The following KLHDC4 variants were observed in gnomAD, a reference collection of about 807,000 sequenced individuals.
KLHDC4 encodes the protein kelch domain-containing protein 4.
KLHDC4 carries 90 observed loss-of-function variants against 62.4 expected under a neutral mutation model. The observed-to-expected ratio is 1.44, with a 90% CI of 1.22 to 1.72. The LOEUF (loss-of-function observed/expected upper bound fraction) is 1.72, where lower values mean the gene tolerates loss of function less well. Among genes scored for constraint, KLHDC4 ranks in the 40% most tolerant of loss-of-function variants. The pLI is 0.00. For synonymous variants in KLHDC4, 386 were observed against 284.4 expected, an observed-to-expected ratio of 1.36 and a Z score of -3.59; for missense variants, 1,025 against 699.7, an observed-to-expected ratio of 1.47 and a Z score of -5.25.
chr16:87,756,310 C>T lies in KLHDC4; in HGVS notation c.270+89G>A, dbSNP rs1422874074. The T allele has an allele frequency of 2.2e-5, 21 of 963,788 alleles. No individual in the cohort carries two copies. The East Asian group carries it at 4.6e-4, about 21-fold the overall frequency. The allele number at this position is 963,788 out of a possible 1,614,324, so 59.7% of individuals were successfully genotyped here. On this transcript the variant is annotated intron_variant, in intron 3 of 11. Coordinates refer to ENST00000270583, the MANE Select transcript of KLHDC4 (RefSeq NM_017566.4). ...GTGATACAAGGGGTGAAGGGGCTAA[C>T]GCATATTTGATGTCACTGCCTTAAG...
At chr16:87,735,790 T>C (rs1278890916) in intron 5 of KLHDC4, among the ~76,000 whole-genome samples, 2 of 152,110 alleles carry the variant, frequency 1.3e-5, no homozygotes, top group South Asian at 4.1e-4. Context: ...TACAGGGGAA[T>C]GTCGTGGTGG....
intron 6 of KLHDC4, among the ~76,000 whole-genome samples, chr16:87,727,693 C>G (rs746721): frequency 0.17 from 26,489 of 152,112 alleles, 2,331 homozygotes; most frequent in South Asian, 0.22. Context: ...AACTTTGACA[C>G]AATTATCGTG....
At position 87,708,056 on chromosome 16, in the gene KLHDC4, C is replaced by A. The variant is rs2290019; in HGVS notation, c.*21G>T. On this transcript the variant is annotated 3_prime_UTR_variant, in exon 12 of 12. Coordinates refer to ENST00000270583, the MANE Select transcript of KLHDC4 (RefSeq NM_017566.4). ...GGACGTGGGCACAGCACTTGCCAGGCGCCCCTGGCAGGGGCTCTTCTGATA... is the reference window on the plus strand; with the variant it reads ...GGACGTGGGCACAGCACTTGCCAGGAGCCCCTGGCAGGGGCTCTTCTGATA... The A allele has an allele frequency of 0.2, 105,944 of 541,806 alleles. 11,844 individuals are homozygous for A. The highest frequency in any genetic ancestry group is 0.27 in the South Asian group (17,294 of 65,220). The allele number at this position is 541,806 out of a possible 1,614,324, so 33.6% of individuals were successfully genotyped here. A position where few individuals can be genotyped will look rare whatever the true frequency, so the allele number is the denominator to read the frequency against.
At chr16:87,736,297 C>T (rs2041295956) in intron 5 of KLHDC4, among the ~76,000 whole-genome samples, 1 of 152,228 alleles carries the variant, frequency 6.6e-6, no homozygotes, top group Admixed American at 6.5e-5. Flanking sequence ...GAAGTAAAAA[C>T]ACAGTCTGAT....
At chr16:87,698,242 G>A (rs943826977) in exon 1 of KLHDC4, 4 of 152,320 alleles carry the variant, frequency 2.6e-5, no homozygotes, top group African/African-American at 9.7e-5. Flanking sequence ...AGGGAGGGAG[G>A]ACTGAAGGTC....
rs550857613 is a variant in KLHDC4 at position 87,754,747 on chromosome 16, G to A, written c.369+447C>T. ...GCGACAGCTGACACTGCTCTCCTGG[G>A]TAGGAAACCAGCTAACCACGTGCTA... On this transcript the variant is annotated intron_variant, in intron 4 of 11. Coordinates refer to ENST00000270583, the MANE Select transcript of KLHDC4 (RefSeq NM_017566.4). 7.2e-5 allele frequency among the ~76,000 whole-genome samples: 11 copies of A among 152,262 alleles called. No individual in the cohort carries two copies. The South Asian group carries it at 2.1e-3, about 29-fold the overall frequency.
intron 1 of KLHDC4, among the ~76,000 whole-genome samples, chr16:87,762,821 C>A (rs2046083896): frequency 6.6e-6 from 1 of 152,170 alleles, no homozygotes; most frequent in Admixed American, 6.6e-5. Context: ...CACACCCGAG[C>A]CTGGCATTTC....
intron 8 of KLHDC4, among the ~76,000 whole-genome samples, chr16:87,714,095 C>T (rs896977898): frequency 3.9e-5 from 6 of 152,106 alleles, no homozygotes; most frequent in South Asian, 4.2e-4. Context: ...GAGCGAGGCC[C>T]GTCACCACAG....
rs746403180 is a variant in KLHDC4 at position 87,714,558 on chromosome 16, C to T, written c.775G>A (p.Val259Met). 8 of 1,614,032 alleles carry T rather than the reference C, an allele frequency of 5.0e-6. No homozygotes were observed. Among genetic ancestry groups the T allele is most frequent in the South Asian group, 3.3e-5 (3 of 91,086 alleles). Residue 259 changes from valine (V) to methionine (M), a missense_variant, in exon 8 of 12, where the codon GTG becomes ATG. Val to Met is a conservative substitution (Grantham distance 21, BLOSUM62 1). Transcript: ENST00000270583. ...GYSKQRVKKD[V>M]DKGTRHSDMF... ...TCTGAGTGCCGTGTGCCCTTGTCCA[C>T]GTCTTTCTTAACTCTCTGCAATGGA...
chr16:87,761,803 T>C (rs1471369124), intron 2 of KLHDC4, 146 bp downstream of exon 2: 22 of 802,234 alleles, frequency 2.7e-5, no homozygotes, highest in Non-Finnish European at 4.3e-5. Context: ...ATTCCAGTTC[T>C]TCAGCAGAAA....
At chr16:87,703,940 C>T (rs2034338896), downstream of KLHDC4, among the ~76,000 whole-genome samples, 2 of 152,070 alleles carry the variant, frequency 1.3e-5, no homozygotes, top group Admixed American at 6.6e-5. Context: ...GACTGGCCTC[C>T]AGCGCCCCCG....
At chr16:87,765,589 C>G (rs1449711985) in intron 1 of KLHDC4, among the ~76,000 whole-genome samples, 1 of 152,160 alleles carries the variant, frequency 6.6e-6, no homozygotes, top group Non-Finnish European at 1.5e-5. Context: ...GAGAAGCGGA[C>G]AGACACACGT....
intron 5 of KLHDC4, among the ~76,000 whole-genome samples, chr16:87,744,021 G>A (rs899894475): frequency 2.0e-5 from 3 of 152,182 alleles, no homozygotes; most frequent in African/African-American, 7.2e-5. Flanking sequence ...GCTCATGCCT[G>A]TAATCCCAGC....
At chr16:87,745,055 T>C (rs932500559) in intron 5 of KLHDC4, among the ~76,000 whole-genome samples, 1 of 152,256 alleles carries the variant, frequency 6.6e-6, no homozygotes, top group African/African-American at 2.4e-5. Context: ...CTGTTTTTTG[T>C]ATATATTTTT....
chr16:87,724,794 C>T (rs2039046634), intron 7 of KLHDC4, among the ~76,000 whole-genome samples: 1 of 152,168 alleles, frequency 6.6e-6, no homozygotes, highest in Admixed American at 6.5e-5. Context: ...CACCCACACC[C>T]ACACCCACCC....
exon 1 of KLHDC4, chr16:87,702,257 G>A (rs774558841): frequency 2.4e-5 from 11 of 456,208 alleles, no homozygotes; most frequent in Non-Finnish European, 3.5e-5. Flanking sequence ...GCCAGGCGCC[G>A]AGTCCATAAA....
intron 8 of KLHDC4, among the ~76,000 whole-genome samples, chr16:87,711,941 CGGGGACCCTCCGCCCTGCAA>C (rs1482043743): frequency 2.7e-5 from 4 of 149,666 alleles, no homozygotes; most frequent in Admixed American, 1.3e-4. Context: ...TGGGCCTGCA[CGGGGACCCTCCGCCCTGCAA>C]GGGGACCCTT....
intron 7 of KLHDC4, among the ~76,000 whole-genome samples, chr16:87,723,691 A>C (rs1474309832): frequency 6.6e-6 from 1 of 152,274 alleles, no homozygotes; most frequent in Non-Finnish European, 1.5e-5. Flanking sequence ...ACAATCTCTG[A>C]CCAACTGCCA....
chr16:87,709,431 A>T lies in KLHDC4; in HGVS notation c.1281T>A (p.Pro427=), dbSNP rs779033698. The change falls in exon 10 of 12, where the codon CCT becomes CCA. Residue 427 remains proline, a synonymous_variant. Transcript: ENST00000270583. The stretch of plus-strand genomic sequence containing the variant: ...TGGCGTTGGAGCGTGGACACGGCCC[A>T]GGTGCGGGGCTGCCGGCCTCCTCAA... ...DSLEEAGSPA[P]GPCPRSNAML... 6.2e-7 allele frequency: 1 copy of T among 1,612,844 alleles called. No individual in the cohort carries two copies.
Sources: gnomAD v4.1 joint callset for allele counts (sites outside exome capture counted in the v4.1 genomes callset) on GRCh38, gnomAD v4.1.1 for gene constraint, MANE v1.5 for transcripts, NCBI Gene and HGNC (gene_info 2026-07-23, HGNC 2026-07-21) for gene names.